Variants in PARP8 observed in about 807,000 individuals in gnomAD.
PARP8 encodes protein mono-ADP-ribosyltransferase PARP8.
A neutral mutation model predicts 124.1 loss-of-function variants in PARP8; 51 were observed. The ratio of observed to expected loss-of-function variants is 0.41; its 90% CI spans 0.33 to 0.52. The LOEUF is 0.52. PARP8 is among the 20% of genes least tolerant of loss of function. The pLI is 0.21. For synonymous variants in PARP8, 391 were observed against 361.5 expected (o/e 1.08, Z -0.93); for missense variants, 860 against 1,018.9 (o/e 0.84, Z 2.12).
rs189832017 is a variant in PARP8, at chr5:50,703,618, C to A, written c.146+35493C>A. On this transcript the variant is annotated intron_variant, in intron 2 of 25. Transcript: ENST00000281631. ...GAACAAAGCTGTGAAATCCCCTGATCTCAGTGAATTTGCCATGTGTTCTCT... is the reference window on the plus strand; with the variant it reads ...GAACAAAGCTGTGAAATCCCCTGATATCAGTGAATTTGCCATGTGTTCTCT... Among the ~76,000 whole-genome samples, 376 of 152,258 alleles carry A rather than the reference C, an allele frequency of 2.5e-3. 1 individual carries two copies. Among genetic ancestry groups the A allele is most frequent in the African/African-American group, 8.5e-3 (353 of 41,560 alleles).
intron 7 of PARP8, among the ~76,000 whole-genome samples, chr5:50,776,674 T>C (rs1740067245): frequency 3.9e-5 from 6 of 152,172 alleles, no homozygotes; most frequent in Admixed American, 3.3e-4. Context: ...TAATATGCTT[T>C]GGTTTTTGGT....
intron 7 of PARP8, among the ~76,000 whole-genome samples, chr5:50,775,615 CCTT>C (rs1739918749): frequency 6.6e-6 from 1 of 152,120 alleles, no homozygotes; most frequent in Admixed American, 6.5e-5. Flanking sequence ...TCTTTCACCT[CCTT>C]GGTTTAATTT....
At chr5:50,760,484 G>A (rs1353401482) in intron 5 of PARP8, 122 bp downstream of exon 5, 19 of 790,640 alleles carry the variant, frequency 2.4e-5, no homozygotes, top group Non-Finnish European at 3.1e-5. Context: ...TGAAACTCAA[G>A]CTAATGGCTC....
chr5:50,668,064 G>C lies in PARP8; in HGVS notation c.92-7G>C, dbSNP rs1749561767. The C allele has an allele frequency of 6.2e-7, 1 of 1,612,074 alleles. No homozygotes were observed. The highest frequency in any genetic ancestry group is 8.5e-7 in the Non-Finnish European group (1 of 1,179,988). ...GGGGTAGCTTTTGACGGGACTTTCTGTTTCAGATTTCAGATACTCTGACTC... is the reference window on the plus strand; with the variant it reads ...GGGGTAGCTTTTGACGGGACTTTCTCTTTCAGATTTCAGATACTCTGACTC... On this transcript the variant is annotated splice_region_variant and splice_polypyrimidine_tract_variant and intron_variant, in intron 1 of 25. Coordinates refer to ENST00000281631, the MANE Select transcript of PARP8 (RefSeq NM_024615.4).
chr5:50,681,093 C>G (rs1389065209), intron 2 of PARP8, among the ~76,000 whole-genome samples: 1 of 152,016 alleles, frequency 6.6e-6, no homozygotes, highest in Admixed American at 6.5e-5. Context: ...TTATTTCCAA[C>G]TAAAAATAGT....
intron 2 of PARP8, among the ~76,000 whole-genome samples, chr5:50,740,661 A>G (rs907497951): frequency 6.6e-6 from 1 of 151,982 alleles, no homozygotes; most frequent in African/African-American, 2.4e-5. Context: ...AATTTTTTCA[A>G]ACTTAGCAAG....
At chr5:50,757,240 TC>T (rs758145530) in intron 3 of PARP8, 4 of 451,306 alleles carry the variant, frequency 8.9e-6, no homozygotes, top group South Asian at 4.7e-5. Context: ...ATAGATAAAT[TC>T]CTAGAGACCT....
chr5:50,770,395 G>T (rs988359521), intron 7 of PARP8, among the ~76,000 whole-genome samples: 1 of 151,972 alleles, frequency 6.6e-6, no homozygotes, highest in African/African-American at 2.4e-5. Flanking sequence ...CTTTTTACAT[G>T]CCTCACGATT....
rs770387579 is a variant in PARP8 at position 50,795,299 on chromosome 5, C to G, written c.1310C>G (p.Pro437Arg). The change falls in exon 12 of 26, where the codon CCC becomes CGC. Residue 437 changes from proline to arginine, a missense_variant. Around this residue, in one of 2 missense-constraint regions of PARP8, gnomAD observed 517 missense variants for 544.2 expected, o/e 0.95. Coordinates refer to ENST00000281631, the MANE Select transcript of PARP8 (RefSeq NM_024615.4). The stretch of plus-strand genomic sequence containing the variant: ...CTCAGCAAGTCCTACTCCAGTGCCC[C>G]CAAGTCATCCAAAACTGAGCTTTTC... The part of the protein sequence containing the change: ...KLLSKSYSSA[P>R]KSSKTELFKE... 1.2e-6 allele frequency: 2 copies of G among 1,614,110 alleles called. No individual in the cohort carries two copies. Among genetic ancestry groups the G allele is most frequent in the Admixed American group, 1.7e-5 (1 of 60,024 alleles).
chr5:50,837,665 A>G (rs1747733299), intron 25 of PARP8, among the ~76,000 whole-genome samples: 1 of 152,106 alleles, frequency 6.6e-6, no homozygotes, highest in Non-Finnish European at 1.5e-5. Context: ...ACAGTCACAT[A>G]GTATGCTAAA....
chr5:50,720,300 A>G (rs947990628), intron 2 of PARP8, among the ~76,000 whole-genome samples: 3 of 152,036 alleles, frequency 2.0e-5, no homozygotes, highest in African/African-American at 7.2e-5. Flanking sequence ...TCAGTTCTTA[A>G]AGCTGCACAT....
chr5:50,760,683 G>A (rs975955661), intron 5 of PARP8, among the ~76,000 whole-genome samples: 5 of 152,012 alleles, frequency 3.3e-5, no homozygotes, highest in Admixed American at 6.6e-5. Context: ...ATAACTGCAC[G>A]TGGCTATACA....
At chr5:50,719,422 T>C (rs1294144128) in intron 2 of PARP8, among the ~76,000 whole-genome samples, 1 of 152,046 alleles carries the variant, frequency 6.6e-6, no homozygotes, top group Non-Finnish European at 1.5e-5. Flanking sequence ...TCTGGAGTGT[T>C]TCTCAGTGTT....
At chr5:50,696,059 G>A (rs1047106430) in intron 2 of PARP8, among the ~76,000 whole-genome samples, 2 of 152,154 alleles carry the variant, frequency 1.3e-5, no homozygotes, top group Non-Finnish European at 2.9e-5. Context: ...TTATAAAGGA[G>A]AGAGTAAAGA....
At chr5:50,724,908 C>A (rs771804187) in intron 2 of PARP8, among the ~76,000 whole-genome samples, 1 of 151,902 alleles carries the variant, frequency 6.6e-6, no homozygotes, top group African/African-American at 2.4e-5. Flanking sequence ...TTTGCCTTTG[C>A]GTACTCGTAG....
intron 14 of PARP8, among the ~76,000 whole-genome samples, chr5:50,812,288 A>G (rs1323332538): frequency 2.0e-5 from 3 of 152,150 alleles, no homozygotes; most frequent in Non-Finnish European, 4.4e-5. Context: ...CGCCATTCCA[A>G]CTGGTGTGAG....
At chr5:50,667,207 A>G in intron 1 of PARP8, 21 bp downstream of exon 1, 1 of 1,595,714 alleles carries the variant, frequency 6.3e-7, no homozygotes, top group Non-Finnish European at 8.5e-7. Context: ...GCTTTTCCAG[A>G]ACCTCGGACC....
At chr5:50,744,950 C>T (rs1758395706) in intron 2 of PARP8, 1 of 549,328 alleles carries the variant, frequency 1.8e-6, no homozygotes. Flanking sequence ...TTTGTTCTTT[C>T]CACGTTTTTT....
At chr5:50,832,937 T>G (rs1488088486) in intron 23 of PARP8, 83 bp downstream of exon 23, 10 of 1,276,552 alleles carry the variant, frequency 7.8e-6, no homozygotes, top group Non-Finnish European at 1.1e-5. Flanking sequence ...ATAGGCTTTT[T>G]AAGTCTGAAA....
Sources: allele counts gnomAD v4.1 joint callset (sites outside exome capture counted in the v4.1 genomes callset), GRCh38; gene constraint gnomAD v4.1.1; regional missense constraint gnomAD v4.1.1; transcripts MANE v1.5; gene names NCBI Gene and HGNC (gene_info 2026-07-23, HGNC 2026-07-21).